PGCKA1: variants seen among roughly 807,000 people sequenced by gnomAD.
The protein encoded by PGCKA1 is PDCD10 and GCKIII kinases-associated protein 1.
the PGCKA1 span, among the ~76,000 whole-genome samples, chr4:37,536,122 A>G: frequency 2.0e-5 from 3 of 152,212 alleles, no homozygotes; most frequent in African/African-American, 7.2e-5. Context: ...GAGACAGACA[A>G]CTACATAACT....
At chr4:37,555,467 T>G in the PGCKA1 span, among the ~76,000 whole-genome samples, 1 of 152,212 alleles carries the variant, frequency 6.6e-6, no homozygotes, top group Non-Finnish European at 1.5e-5. Context: ...GATAAGTCAC[T>G]AAGACTCATG....
chr4:37,455,005 A>G, the PGCKA1 span, among the ~76,000 whole-genome samples: 2 of 152,170 alleles, frequency 1.3e-5, no homozygotes, highest in Non-Finnish European at 2.9e-5. Flanking sequence ...GTCACTATTT[A>G]TGGGAAAGAA....
the PGCKA1 span, among the ~76,000 whole-genome samples, chr4:37,483,396 C>T: frequency 6.6e-6 from 1 of 152,094 alleles, no homozygotes; most frequent in African/African-American, 2.4e-5. Context: ...AGCCCATCAC[C>T]ACCCTAGAGG....
At chr4:37,548,035 G>A in the PGCKA1 span, among the ~76,000 whole-genome samples, 1 of 148,600 alleles carries the variant, frequency 6.7e-6, no homozygotes, top group African/African-American at 2.5e-5. Context: ...GGGGGAGGCA[G>A]AATTTATATC....
chr4:37,488,719 C>T, the PGCKA1 span, among the ~76,000 whole-genome samples: 1 of 152,242 alleles, frequency 6.6e-6, no homozygotes, highest in Admixed American at 6.5e-5. Flanking sequence ...AAATCCTGTT[C>T]CATCACCTCT....
At chr4:37,512,352 A>C in the PGCKA1 span, among the ~76,000 whole-genome samples, 6 of 152,068 alleles carry the variant, frequency 3.9e-5, no homozygotes, top group African/African-American at 1.4e-4. Context: ...TAAGCATTAA[A>C]TGGCCTTAGT....
At chr4:37,490,485 G>A in the PGCKA1 span, among the ~76,000 whole-genome samples, 2 of 152,192 alleles carry the variant, frequency 1.3e-5, no homozygotes, top group East Asian at 1.9e-4. Context: ...ACGTCTACCC[G>A]CGTTTGTAGT....
chr4:37,491,473 G>A, the PGCKA1 span, among the ~76,000 whole-genome samples: 1 of 152,086 alleles, frequency 6.6e-6, no homozygotes, highest in African/African-American at 2.4e-5. Flanking sequence ...TTGTTTGTAT[G>A]GTTTTATCTG....
the PGCKA1 span, among the ~76,000 whole-genome samples, chr4:37,548,076 T>C: frequency 6.6e-6 from 1 of 151,838 alleles, no homozygotes; most frequent in Admixed American, 6.6e-5. Context: ...ATTCTTGTCC[T>C]GAAATAAATT....
chr4:37,510,498 A>G, the PGCKA1 span, among the ~76,000 whole-genome samples: 25,649 of 152,064 alleles, frequency 0.17, 2,801 homozygotes, highest in Non-Finnish European at 0.24. Context: ...AAGATCCAGA[A>G]GAATTCTCCA....
the PGCKA1 span, among the ~76,000 whole-genome samples, chr4:37,493,527 G>A: frequency 6.6e-6 from 1 of 152,184 alleles, no homozygotes; most frequent in Non-Finnish European, 1.5e-5. Context: ...CCACTGAGAA[G>A]CAGATATCAT....
the PGCKA1 span, among the ~76,000 whole-genome samples, chr4:37,575,084 A>G: frequency 6.6e-6 from 1 of 152,136 alleles, no homozygotes; most frequent in Non-Finnish European, 1.5e-5. Flanking sequence ...TCTCTTCAAT[A>G]CAGTGATTTC....
chr4:37,517,364 G>A, the PGCKA1 span, among the ~76,000 whole-genome samples: 16 of 150,406 alleles, frequency 1.1e-4, no homozygotes, highest in African/African-American at 3.7e-4. Flanking sequence ...CAGAAAATAC[G>A]GTATATTTTT....
chr4:37,495,119 A>T, the PGCKA1 span, among the ~76,000 whole-genome samples: 2 of 152,186 alleles, frequency 1.3e-5, no homozygotes, highest in Non-Finnish European at 2.9e-5. Context: ...GCCAACAAAC[A>T]TATGAAAAAA....
At chr4:37,476,775 A>G in the PGCKA1 span, among the ~76,000 whole-genome samples, 1 of 152,222 alleles carries the variant, frequency 6.6e-6, no homozygotes, top group Non-Finnish European at 1.5e-5. Context: ...ATAATTTTTA[A>G]TAAAACATGT....
At chr4:37,579,252 A>G in the PGCKA1 span, among the ~76,000 whole-genome samples, 6 of 152,250 alleles carry the variant, frequency 3.9e-5, no homozygotes, top group East Asian at 1.2e-3. Flanking sequence ...TTTTGTTATT[A>G]TTTATGATTG....
At chr4:37,495,075 GAA>G in the PGCKA1 span, among the ~76,000 whole-genome samples, 3 of 151,778 alleles carry the variant, frequency 2.0e-5, no homozygotes, top group Admixed American at 2.0e-4. Context: ...CAAAGGATAT[GAA>G]CAGACACTTC....
chr4:37,454,061 C>T, the PGCKA1 span: 3 of 153,428 alleles, frequency 2.0e-5, no homozygotes, highest in Non-Finnish European at 4.4e-5. Flanking sequence ...TCCCCCGCCC[C>T]GCGCGCGCAA....
At chr4:37,587,546 T>A in the PGCKA1 span, among the ~76,000 whole-genome samples, 1 of 152,158 alleles carries the variant, frequency 6.6e-6, no homozygotes, top group African/African-American at 2.4e-5. Context: ...CACCTATGAT[T>A]GAAAGAAGGA....
Sources: gnomAD v4.1 joint callset for allele counts (sites outside exome capture counted in the v4.1 genomes callset) on GRCh38, gnomAD v4.1.1 for gene constraint, MANE v1.5 for transcripts, NCBI Gene and HGNC (gene_info 2026-07-23, HGNC 2026-07-21) for gene names.